UNC13C: variants seen among roughly 807,000 people sequenced by gnomAD.
UNC13C encodes unc-13 homolog C.
In UNC13C, 174 loss-of-function variants were observed where a neutral mutation model predicts 245.4. The ratio of observed to expected loss-of-function variants is 0.71; its 90% CI spans 0.63 to 0.80. UNC13C has a LOEUF of 0.80. UNC13C is among the 30% of genes least tolerant of loss of function. The pLI is 0.00. For missense variants in UNC13C, 2,829 were observed against 2,602.9 expected, an observed-to-expected ratio of 1.09 and a Z score of -1.89; for synonymous variants, 992 against 895.1, an observed-to-expected ratio of 1.11 and a Z score of -1.93.
upstream of UNC13C, among the ~76,000 whole-genome samples, chr15:53,976,406 A>G (rs547798511): frequency 6.7e-5 from 10 of 149,240 alleles, 1 homozygote; most frequent in South Asian, 2.1e-3. Context: ...AATTAGAGCA[A>G]TATTTTCAAA....
At chr15:54,543,727 C>G (rs1279039710) in intron 26 of UNC13C, among the ~76,000 whole-genome samples, 1 of 152,064 alleles carries the variant, frequency 6.6e-6, no homozygotes, top group African/African-American at 2.4e-5. Context: ...CACATATACC[C>G]TCCCCAGACA....
chr15:53,852,830 T>C, the UNC13C span, among the ~76,000 whole-genome samples: 3 of 152,112 alleles, frequency 2.0e-5, no homozygotes, highest in Non-Finnish European at 4.4e-5. Context: ...CTAATACTCC[T>C]TCATGATTGG....
intron 10 of UNC13C, among the ~76,000 whole-genome samples, chr15:54,280,698 G>GTATGTA (rs1567156714): frequency 1.9e-3 from 101 of 54,556 alleles, no homozygotes; most frequent in African/African-American, 5.9e-3. Flanking sequence ...ATAAACATAT[G>GTATGTA]TATACATACA....
intron 24 of UNC13C, chr15:54,512,526 C>T (rs141897301): frequency 1.9e-5 from 7 of 359,212 alleles, no homozygotes; most frequent in African/African-American, 8.6e-5. Flanking sequence ...CTGCATCTTC[C>T]TGCCTGCCAC....
chr15:54,155,412 C>G (rs2032699720), intron 4 of UNC13C, among the ~76,000 whole-genome samples: 1 of 152,160 alleles, frequency 6.6e-6, no homozygotes, highest in Non-Finnish European at 1.5e-5. Flanking sequence ...ATAAGTCCCA[C>G]TGAGATTCAA....
At chr15:54,168,468 G>A (rs1357792890) in intron 4 of UNC13C, among the ~76,000 whole-genome samples, 2 of 152,120 alleles carry the variant, frequency 1.3e-5, no homozygotes, top group Non-Finnish European at 2.9e-5. Context: ...CATTTTTATT[G>A]TAATTGGTTC....
At chr15:54,607,427 T>C (rs552109492) in intron 30 of UNC13C, among the ~76,000 whole-genome samples, 6 of 152,328 alleles carry the variant, frequency 3.9e-5, no homozygotes, top group African/African-American at 1.4e-4. Context: ...ATTAATCCTA[T>C]CTTCTACCTG....
the UNC13C span, among the ~76,000 whole-genome samples, chr15:53,871,860 G>T: frequency 1.3e-5 from 2 of 152,166 alleles, no homozygotes; most frequent in Non-Finnish European, 2.9e-5. Context: ...TTGTGGAAGT[G>T]GGTGCTTGTG....
At chr15:54,136,208 G>C (rs1380849960) in intron 2 of UNC13C, among the ~76,000 whole-genome samples, 1 of 152,162 alleles carries the variant, frequency 6.6e-6, no homozygotes, top group East Asian at 1.9e-4. Context: ...GGTAATCACT[G>C]CTAACTGCAG....
At chr15:54,176,862 T>C (rs1434010016) in intron 4 of UNC13C, among the ~76,000 whole-genome samples, 1 of 152,100 alleles carries the variant, frequency 6.6e-6, no homozygotes, top group Non-Finnish European at 1.5e-5. Context: ...GAAGATGTCT[T>C]ATAATGCTAT....
At chr15:54,187,021 G>A (rs2034014021) in intron 4 of UNC13C, among the ~76,000 whole-genome samples, 1 of 151,556 alleles carries the variant, frequency 6.6e-6, no homozygotes, top group Non-Finnish European at 1.5e-5. Flanking sequence ...GCTAATTTTT[G>A]TATTTTAGTA....
chr15:53,849,367 T>C, the UNC13C span, among the ~76,000 whole-genome samples: 17 of 152,166 alleles, frequency 1.1e-4, 1 homozygote, highest in South Asian at 3.5e-3. Flanking sequence ...TATATGTCTC[T>C]ATTAGTAATT....
intron 30 of UNC13C, among the ~76,000 whole-genome samples, chr15:54,619,048 T>C (rs1294256362): frequency 2.0e-5 from 3 of 152,176 alleles, no homozygotes; most frequent in Admixed American, 1.3e-4. Context: ...GCCTCTTTCT[T>C]CTCATGGTAT....
At chr15:54,589,070 A>G (rs1898635771) in intron 30 of UNC13C, among the ~76,000 whole-genome samples, 1 of 152,062 alleles carries the variant, frequency 6.6e-6, no homozygotes, top group South Asian at 2.1e-4. Flanking sequence ...ACTATTTTCC[A>G]TAGCAGCTGT....
chr15:53,933,312 A>G, the UNC13C span, among the ~76,000 whole-genome samples: 2 of 152,178 alleles, frequency 1.3e-5, no homozygotes, highest in Non-Finnish European at 2.9e-5. Flanking sequence ...ATAGATATAT[A>G]ATGTACCTCT....
chr15:54,489,558 CT>C (rs1893600834), intron 19 of UNC13C, among the ~76,000 whole-genome samples: 1 of 152,142 alleles, frequency 6.6e-6, no homozygotes, highest in Non-Finnish European at 1.5e-5. Context: ...AAGCAGAGCA[CT>C]CTGGAGGATA....
Position 54,448,501 on chromosome 15 carries a change from T to C in UNC13C, c.4933+33434T>C, listed in dbSNP as rs892649208. The stretch of plus-strand genomic sequence containing the variant: ...TATTTAGGATAGTTAGCTCTTCTTG[T>C]TGAATTGATCCCTTTACCATTATGT... On this transcript the variant is annotated intron_variant, in intron 19 of 32. Transcript: ENST00000260323. Among the ~76,000 whole-genome samples the C allele has an allele frequency of 5.3e-5, 8 of 152,346 alleles. 1 individual carries two copies. The highest frequency in any genetic ancestry group is 1.9e-4 in the East Asian group (1 of 5,186).
chr15:54,041,955 G>C (rs1287860983), intron 2 of UNC13C, among the ~76,000 whole-genome samples: 1 of 152,122 alleles, frequency 6.6e-6, no homozygotes, highest in Non-Finnish European at 1.5e-5. Context: ...TTCACAATCC[G>C]ATCGAGTACA....
chr15:54,309,923 C>T (rs563842186), intron 13 of UNC13C, among the ~76,000 whole-genome samples: 9 of 151,830 alleles, frequency 5.9e-5, no homozygotes, highest in Admixed American at 2.6e-4. Flanking sequence ...GAGTTTATTA[C>T]TCTAACTTTT....
Sources: allele counts gnomAD v4.1 joint callset (sites outside exome capture counted in the v4.1 genomes callset), GRCh38; gene constraint gnomAD v4.1.1; transcripts MANE v1.5; gene names NCBI Gene and HGNC (gene_info 2026-07-23, HGNC 2026-07-21).